ESRP1: variants seen among roughly 807,000 people sequenced by gnomAD.
ESRP1 encodes the protein RNA-binding motif protein 35A.
ESRP1 carries 33 observed loss-of-function variants against 81.7 expected under a neutral mutation model. The ratio of observed to expected loss-of-function variants is 0.40; its 90% CI spans 0.31 to 0.54. The LOEUF is 0.54. Among genes scored for constraint, ESRP1 ranks in the 20% least tolerant of loss-of-function variants. The pLI, the probability that ESRP1 is intolerant of heterozygous loss-of-function variation, is 0.41. For synonymous variants in ESRP1, 320 were observed against 303.3 expected, an observed-to-expected ratio of 1.06 and a Z score of -0.57; for missense variants, 672 against 833.1, an observed-to-expected ratio of 0.81 and a Z score of 2.38.
intron 13 of ESRP1, among the ~76,000 whole-genome samples, chr8:94,688,990 C>T (rs1285012564): frequency 1.3e-5 from 2 of 152,134 alleles, no homozygotes; most frequent in Non-Finnish European, 2.9e-5. Flanking sequence ...GTGGCTCACG[C>T]CTGTAATCCC....
intron 10 of ESRP1, among the ~76,000 whole-genome samples, chr8:94,670,428 C>CTGG (rs1819257884): frequency 1.3e-5 from 2 of 152,088 alleles, no homozygotes. Context: ...TGCCGTTTCT[C>CTGG]TGGTGGTGTG....
rs1256993137 is a variant in ESRP1 at position 94,705,990 on chromosome 8, G to A, written c.*101G>A. 8 of 1,516,530 alleles carry A rather than the reference G, an allele frequency of 5.3e-6. No individual in the cohort carries two copies. The highest frequency in any genetic ancestry group is 6.2e-6 in the Non-Finnish European group (7 of 1,131,440). The allele number at this position is 1,516,530 out of a possible 1,614,324, so 93.9% of individuals were successfully genotyped here. A position where few individuals can be genotyped will look rare whatever the true frequency, so the allele number is the denominator to read the frequency against. On this transcript the variant is annotated 3_prime_UTR_variant, in exon 16 of 16. Coordinates refer to ENST00000433389, the MANE Select transcript of ESRP1 (RefSeq NM_017697.4). ...AAGAAAACTTCTAGCAAATTCAGGG[G>A]AAGTTTGTCTACACTCAGGCTGCAG...
At chr8:94,653,888 G>C (rs1818273818) in intron 4 of ESRP1, among the ~76,000 whole-genome samples, 1 of 152,308 alleles carries the variant, frequency 6.6e-6, no homozygotes, top group Admixed American at 6.5e-5. Context: ...ATTATCTCTG[G>C]CATCACATTG....
In ESRP1 at chr8:94,655,066, TG is replaced by T. The variant is rs879440193; in HGVS notation, c.491-7205del. Among the ~76,000 whole-genome samples the T allele has an allele frequency of 8.1e-3, 763 of 94,348 alleles. 34 individuals are homozygous for T. The highest frequency in any genetic ancestry group is 0.073 in the Admixed American group (690 of 9,402). The allele number at this position is 94,348 out of a possible 152,430, so 61.9% of individuals were successfully genotyped here. ...TGTCTGTGAGGTTTTTTGGGTTTTTTGTGTGTGTGTGTGTGTGTGTGTTTTG... is the reference window on the plus strand; with the variant it reads ...TGTCTGTGAGGTTTTTTGGGTTTTTTTGTGTGTGTGTGTGTGTGTGTTTTG... On this transcript the variant is annotated intron_variant, in intron 4 of 15. Coordinates refer to ENST00000433389, the MANE Select transcript of ESRP1 (RefSeq NM_017697.4).
chr8:94,667,435 T>TTA (rs1554577708), intron 9 of ESRP1, among the ~76,000 whole-genome samples: 2 of 147,916 alleles, frequency 1.4e-5, no homozygotes, highest in East Asian at 3.9e-4. Flanking sequence ...CTTTCTTAAT[T>TTA]AAAAAAAAAA....
intron 13 of ESRP1, among the ~76,000 whole-genome samples, chr8:94,679,278 G>A (rs985090858): frequency 2.0e-5 from 3 of 152,144 alleles, no homozygotes; most frequent in Admixed American, 6.5e-5. Flanking sequence ...TAAGAAAAAG[G>A]CTATGACAGT....
intron 15 of ESRP1, among the ~76,000 whole-genome samples, 193 bp downstream of exon 15, chr8:94,697,154 A>G (rs1224578972): frequency 6.6e-6 from 1 of 152,204 alleles, no homozygotes; most frequent in Non-Finnish European, 1.5e-5. Context: ...ACATTAATGG[A>G]TGAGAGTTGT....
chr8:94,673,636 C>T (rs1006155269), intron 11 of ESRP1, among the ~76,000 whole-genome samples: 2 of 152,170 alleles, frequency 1.3e-5, no homozygotes, highest in East Asian at 1.9e-4. Context: ...CAAGCTATTA[C>T]TAATAGAAAA....
chr8:94,691,668 GA>G (rs1429042907), intron 13 of ESRP1, among the ~76,000 whole-genome samples: 4 of 152,114 alleles, frequency 2.6e-5, no homozygotes, highest in African/African-American at 4.8e-5. Context: ...GATTATGTAT[GA>G]TAGATAATCT....
In ESRP1 at chr8:94,707,159, A is replaced by T. The variant is rs1046163; in HGVS notation, c.*1270A>T. The T allele has an allele frequency of 0.69, 105,606 of 152,222 alleles. 38,104 individuals are homozygous for T. The highest frequency in any genetic ancestry group is 0.91 in the African/African-American group (37,762 of 41,562). 9.4% of individuals were successfully genotyped at this position (152,222 alleles called of 1,614,324 possible). On this transcript the variant is annotated 3_prime_UTR_variant, in exon 16 of 16. Coordinates refer to ENST00000433389, the MANE Select transcript of ESRP1 (RefSeq NM_017697.4). The stretch of plus-strand genomic sequence containing the variant: ...GAATGCAATGCCGTGCAGATTTATG[A>T]GGCTGCTATTTTTATTTTCTGTGCA...
rs1809626791 is a variant in ESRP1 at position 94,696,876 on chromosome 8, C to T, written c.1996C>T (p.His666Tyr). 6.3e-7 allele frequency: 1 copy of T among 1,595,006 alleles called. No individual in the cohort carries two copies. Among genetic ancestry groups the T allele is most frequent in the South Asian group, 1.1e-5 (1 of 87,264 alleles). The change falls in exon 15 of 16, where the codon CAC (histidine) becomes TAC (tyrosine). Residue 666 changes from histidine (H) to tyrosine (Y), a missense_variant. Coordinates refer to ENST00000433389, the MANE Select transcript of ESRP1 (RefSeq NM_017697.4). ...GTATGCAACCGAGGATGGACTTATA[C>T]ACACAAATGACCAGGCCAGGACTCT... ...YQYATEDGLI[H>Y]TNDQARTLPK... is the part of the protein sequence containing the mutation.
chr8:94,681,186 CG>C (rs1808862662), intron 13 of ESRP1, among the ~76,000 whole-genome samples: 2 of 151,480 alleles, frequency 1.3e-5, no homozygotes, highest in South Asian at 4.2e-4. Context: ...ATTAGCCGGG[CG>C]TGGTGATGGG....
intron 13 of ESRP1, among the ~76,000 whole-genome samples, chr8:94,682,555 C>T (rs574396928): frequency 2.4e-4 from 36 of 151,718 alleles, no homozygotes; most frequent in Non-Finnish European, 4.1e-4. Context: ...TTTGTGGAGA[C>T]GGGGTCTCAC....
intron 14 of ESRP1, 42 bp downstream of exon 14, chr8:94,692,869 C>G (rs1384324836): frequency 4.4e-6 from 7 of 1,586,014 alleles, no homozygotes; most frequent in Non-Finnish European, 6.0e-6. Context: ...GCCCTTATTA[C>G]TTAAGTTGAT....
chr8:94,646,255 A>G lies in ESRP1; in HGVS notation c.463A>G (p.Lys155Glu). 1 of 1,611,406 alleles carries G rather than the reference A, an allele frequency of 6.2e-7. No individual in the cohort carries two copies. The highest frequency in any genetic ancestry group is 8.5e-7 in the Non-Finnish European group (1 of 1,178,308). Residue 155 changes from lysine (K) to glutamate (E), a missense_variant, in exon 4 of 16, where the codon AAA becomes GAA. Coordinates refer to ENST00000433389, the MANE Select transcript of ESRP1 (RefSeq NM_017697.4). ...KCCPGSPDID[K>E]LDVATMTEYL... ...TTGCCCTGGTTCACCTGATATTGAC[A>G]AACTGGACGTTGCCACAATGACAGA...
intron 12 of ESRP1, 66 bp downstream of exon 12, chr8:94,674,572 G>C (rs145735375): frequency 1.2e-5 from 17 of 1,425,664 alleles, no homozygotes; most frequent in Admixed American, 2.5e-5. Flanking sequence ...AGCTGCTTTC[G>C]TAACTTTCTG....
chr8:94,668,425 A>G, intron 10 of ESRP1, 175 bp downstream of exon 10: 1 of 540,804 alleles, frequency 1.8e-6, no homozygotes. Context: ...TATCCTGTAC[A>G]CACACACAAC....
chr8:94,657,859 C>T (rs1455091321), intron 4 of ESRP1, among the ~76,000 whole-genome samples: 4 of 152,124 alleles, frequency 2.6e-5, no homozygotes, highest in Non-Finnish European at 4.4e-5. Flanking sequence ...CGTGTAATCC[C>T]ACCTCCATTA....
At position 94,707,041 on chromosome 8, in the gene ESRP1, ACTG is replaced by A. The variant is rs1810092025; in HGVS notation, c.*1157_*1159del. 1 of 152,254 alleles carries A rather than the reference ACTG, an allele frequency of 6.6e-6. No homozygotes were observed. Among genetic ancestry groups the A allele is most frequent in the Non-Finnish European group, 1.5e-5 (1 of 68,054 alleles). The allele number at this position is 152,254 out of a possible 1,614,324, so 9.4% of individuals were successfully genotyped here. A position where few individuals can be genotyped will look rare whatever the true frequency, so the allele number is the denominator to read the frequency against. On this transcript the variant is annotated 3_prime_UTR_variant, in exon 16 of 16. Coordinates refer to ENST00000433389, the MANE Select transcript of ESRP1 (RefSeq NM_017697.4). Reference sequence around the variant, plus strand: ...AGTGCAATATTAGACACTAGCTAGTACTGCTGCCTCATGTAACTCCAAAGAAAA... The same window carrying A: ...AGTGCAATATTAGACACTAGCTAGTACTGCCTCATGTAACTCCAAAGAAAA...
Sources: gnomAD v4.1 joint callset for allele counts (sites outside exome capture counted in the v4.1 genomes callset) on GRCh38, gnomAD v4.1.1 for gene constraint, MANE v1.5 for transcripts, NCBI Gene and HGNC (gene_info 2026-07-23, HGNC 2026-07-21) for gene names.